The following GDNF variants were observed in gnomAD, a reference collection of about 807,000 sequenced individuals.
GDNF encodes glial cell derived neurotrophic factor.
In GDNF, 5 loss-of-function variants were observed where a neutral mutation model predicts 13.7. That is an observed-to-expected ratio of 0.36 (90% CI 0.19 to 0.77). The LOEUF is 0.77. Ranked by LOEUF, GDNF falls within the 30% of genes least tolerant of loss-of-function variation. The pLI is 0.51. For synonymous variants in GDNF, 122 were observed against 112.5 expected, an observed-to-expected ratio of 1.08 and a Z score of -0.53; for missense variants, 246 against 274.3, an observed-to-expected ratio of 0.90 and a Z score of 0.73.
intron 2 of GDNF, among the ~76,000 whole-genome samples, chr5:37,816,399 T>C (rs1347249912): frequency 6.6e-6 from 1 of 152,248 alleles, no homozygotes; most frequent in Admixed American, 6.5e-5. Flanking sequence ...AGTTTTCATT[T>C]GAATAACATT....
chr5:37,820,027 A>C (rs1750075111), intron 2 of GDNF, among the ~76,000 whole-genome samples: 3 of 152,224 alleles, frequency 2.0e-5, no homozygotes, highest in Admixed American at 2.0e-4. Context: ...AGGAGTGATT[A>C]ATCAAAATAC....
At chr5:37,824,552 C>G (rs748840086) in intron 2 of GDNF, 1 of 152,194 alleles carries the variant, frequency 6.6e-6, no homozygotes, top group Non-Finnish European at 1.5e-5. Flanking sequence ...TGTTCTAGTT[C>G]TCTGAAAAAC....
chr5:37,836,846 C>T (rs1305202427), intron 1 of GDNF, among the ~76,000 whole-genome samples: 2 of 152,220 alleles, frequency 1.3e-5, no homozygotes, highest in East Asian at 1.9e-4. Context: ...GCTTGGCCGA[C>T]GGAGGGCTTT....
chr5:37,830,885 G>A (rs547425921), intron 2 of GDNF, among the ~76,000 whole-genome samples: 4 of 152,318 alleles, frequency 2.6e-5, no homozygotes, highest in Non-Finnish European at 4.4e-5. Context: ...GTTACCTTGA[G>A]CTCTTGCTTG....
chr5:37,815,507 C>T lies in GDNF; in HGVS notation c.*144G>A, dbSNP rs1217428135. 2.7e-6 allele frequency: 2 copies of T among 752,900 alleles called. No homozygotes were observed. The highest frequency in any genetic ancestry group is 1.7e-5 in the African/African-American group (1 of 57,560). The allele number at this position is 752,900 out of a possible 1,614,324, so 46.6% of individuals were successfully genotyped here. On this transcript the variant is annotated 3_prime_UTR_variant, in exon 3 of 3. Coordinates refer to ENST00000326524, the MANE Select transcript of GDNF (RefSeq NM_000514.4). This position sits in a 1 kb window ranked among gnomAD's most constrained non-coding sequence, Gnocchi z 5.0. ...CTGCCTTCCTCCTCCTCCTCCTCCT[C>T]CTCCTCCTCCTCCTCTTCTTCTTCC... is the stretch of plus-strand genomic sequence containing the variant.
rs1750814914 is a variant in GDNF, at chr5:37,839,280, A to G, written c.-27+227T>C. 6.6e-6 allele frequency among the ~76,000 whole-genome samples: 1 copy of G among 152,192 alleles called. No individual in the cohort carries two copies. The highest frequency in any genetic ancestry group is 2.4e-5 in the African/African-American group (1 of 41,444). The stretch of plus-strand genomic sequence containing the variant: ...TCTGGGGCTCCACAGATCTTTGCCC[A>G]CGTGGAAAAGGCAACATGCCCCTCC... On this transcript the variant is annotated intron_variant, in intron 1 of 2. Coordinates refer to ENST00000326524, the MANE Select transcript of GDNF (RefSeq NM_000514.4). This position sits in a 1 kb window ranked among gnomAD's most constrained non-coding sequence, Gnocchi z 5.5.
intron 2 of GDNF, among the ~76,000 whole-genome samples, chr5:37,817,395 G>A (rs959020147): frequency 6.6e-6 from 1 of 152,172 alleles, no homozygotes; most frequent in South Asian, 2.1e-4. Context: ...AGGATTCTAA[G>A]TGGCTTAGAG....
rs1024989592 is a variant in GDNF, at chr5:37,815,421, T to C, written c.*230A>G. The stretch of plus-strand genomic sequence containing the variant: ...ATCCTGGAGAATCCAGAGGGCTGTT[T>C]TCTCTCTCTCCTGTCCAGTTGTCTG... On this transcript the variant is annotated 3_prime_UTR_variant, in exon 3 of 3. Coordinates refer to ENST00000326524, the MANE Select transcript of GDNF (RefSeq NM_000514.4). This position sits in a 1 kb window ranked among gnomAD's most constrained non-coding sequence, Gnocchi z 5.0. 1.4e-5 allele frequency: 8 copies of C among 581,240 alleles called. No individual in the cohort carries two copies. The highest frequency in any genetic ancestry group is 2.5e-5 in the Non-Finnish European group (8 of 325,840). 36.0% of individuals were successfully genotyped at this position (581,240 alleles called of 1,614,324 possible).
rs965727680 is a variant in GDNF at position 37,815,960 on chromosome 5, T to C, written c.327A>G (p.Arg109=). 1 of 1,614,158 alleles carries C rather than the reference T, an allele frequency of 6.2e-7. No individual in the cohort carries two copies. Among genetic ancestry groups the C allele is most frequent in the Non-Finnish European group, 8.5e-7 (1 of 1,179,990 alleles). Residue 109 remains arginine, a synonymous_variant, in exon 3 of 3, where the codon AGA becomes AGG. Transcript: ENST00000326524. The surrounding 1 kb of genome is among the most constrained non-coding windows in gnomAD (Gnocchi z 5.0). The part of the protein sequence containing the change: ...NPENSRGKGR[R]GQRGKNRGCV... Reference sequence around the variant, plus strand: ...AACCCCGGTTTTTGCCCCTCTGGCCTCTCCGACCTTTTCCTCTGGAATTCT... The same window carrying C: ...AACCCCGGTTTTTGCCCCTCTGGCCCCTCCGACCTTTTCCTCTGGAATTCT...
At chr5:37,819,229 A>G (rs1750036313) in intron 2 of GDNF, among the ~76,000 whole-genome samples, 1 of 152,086 alleles carries the variant, frequency 6.6e-6, no homozygotes, top group African/African-American at 2.4e-5. Context: ...TCCAAAGTAA[A>G]CAGCCCACAT....
At chr5:37,830,100 G>A (rs1750469530) in intron 2 of GDNF, among the ~76,000 whole-genome samples, 2 of 152,190 alleles carry the variant, frequency 1.3e-5, no homozygotes, top group Non-Finnish European at 1.5e-5. Flanking sequence ...CATTTACCCA[G>A]CTTGTTGCAC....
chr5:37,814,280 G>T lies in GDNF; in HGVS notation c.*1371C>A, dbSNP rs1057027312. 6.6e-6 allele frequency: 1 copy of T among 152,354 alleles called. No individual in the cohort carries two copies. Among genetic ancestry groups the T allele is most frequent in the African/African-American group, 2.4e-5 (1 of 41,572 alleles). The allele number at this position is 152,354 out of a possible 1,614,324, so 9.4% of individuals were successfully genotyped here. On this transcript the variant is annotated 3_prime_UTR_variant, in exon 3 of 3. Coordinates refer to ENST00000326524, the MANE Select transcript of GDNF (RefSeq NM_000514.4). Reference sequence around the variant, plus strand: ...TTATGCATAGTACAGATAGGTATACGTGGAGGGGACTAAGAGCTTAAAGAC... The same window carrying T: ...TTATGCATAGTACAGATAGGTATACTTGGAGGGGACTAAGAGCTTAAAGAC...
intron 2 of GDNF, among the ~76,000 whole-genome samples, chr5:37,827,401 A>C (rs1462215280): frequency 6.6e-6 from 1 of 152,242 alleles, no homozygotes; most frequent in Admixed American, 6.5e-5. Flanking sequence ...TGATGTTTGC[A>C]ACAAATTCTC....
chr5:37,837,260 C>A lies in GDNF; in HGVS notation c.-27+2247G>T, dbSNP rs1750739406. ...ATCTGCCCGACGCGCTTCTCCTCAA[C>A]CATGGGCCTTTGCCCGCGGTGCAAA... On this transcript the variant is annotated intron_variant, in intron 1 of 2. Transcript: ENST00000326524. The surrounding 1 kb of genome is among the most constrained non-coding windows in gnomAD (Gnocchi z 6.5). 6.6e-6 allele frequency among the ~76,000 whole-genome samples: 1 copy of A among 152,258 alleles called. No individual in the cohort carries two copies. Among genetic ancestry groups the A allele is most frequent in the Non-Finnish European group, 1.5e-5 (1 of 68,044 alleles).
At chr5:37,835,743 T>G in intron 1 of GDNF, 3 of 1,151,618 alleles carry the variant, frequency 2.6e-6, no homozygotes, top group African/African-American at 1.5e-5. Flanking sequence ...ATTCTGGCCC[T>G]AATCCCTTCC....
At chr5:37,827,671 A>G (rs1488277488) in intron 2 of GDNF, among the ~76,000 whole-genome samples, 1 of 152,188 alleles carries the variant, frequency 6.6e-6, no homozygotes, top group Non-Finnish European at 1.5e-5. Flanking sequence ...GACAGTTGTC[A>G]TGGGGTGTAT....
Position 37,815,110 on chromosome 5 carries a change from C to CT in GDNF, c.*540dup, listed in dbSNP as rs141260125. The CT allele has an allele frequency of 2.2e-3, 338 of 156,692 alleles. 1 individual carries two copies. Among genetic ancestry groups the CT allele is most frequent in the Middle Eastern group, 0.013 (4 of 298 alleles). 9.7% of individuals were successfully genotyped at this position (156,692 alleles called of 1,614,324 possible). ...AAGGTGATTATCTCTTGTATCTTTG[C>CT]TTTTTTTTTCCCCTCTCCTTTCCAG... On this transcript the variant is annotated 3_prime_UTR_variant, in exon 3 of 3. Coordinates refer to ENST00000326524, the MANE Select transcript of GDNF (RefSeq NM_000514.4). This position sits in a 1 kb window ranked among gnomAD's most constrained non-coding sequence, Gnocchi z 5.0.
intron 2 of GDNF, among the ~76,000 whole-genome samples, chr5:37,820,440 CA>C (rs1750091637): frequency 6.6e-6 from 1 of 152,290 alleles, no homozygotes; most frequent in African/African-American, 2.4e-5. Flanking sequence ...GGCTTTGTCA[CA>C]GGCTTTGTTT....
chr5:37,830,951 G>GC (rs1178151909), intron 2 of GDNF, among the ~76,000 whole-genome samples: 2 of 152,122 alleles, frequency 1.3e-5, no homozygotes, highest in African/African-American at 4.8e-5. Flanking sequence ...TATGGGATGT[G>GC]CCCCCCAGGG....
Sources: gnomAD v4.1 joint callset for allele counts (sites outside exome capture counted in the v4.1 genomes callset) on GRCh38, gnomAD v4.1.1 for gene constraint, Gnocchi (gnomAD v3.1) non-coding constraint, MANE v1.5 for transcripts, NCBI Gene and HGNC (gene_info 2026-07-23, HGNC 2026-07-21) for gene names.